The following SOCS7 variants were observed in gnomAD, a reference collection of about 807,000 sequenced individuals.
SOCS7 encodes the protein NAP-4.
Under a neutral mutation model 58.9 loss-of-function variants are expected in SOCS7, and 18 were observed. The observed-to-expected ratio is 0.31, with a 90% confidence interval of 0.21 to 0.45. SOCS7 has a LOEUF of 0.45. Among genes scored for constraint, SOCS7 ranks in the 20% least tolerant of loss-of-function variants. The pLI is 1.00. For synonymous variants in SOCS7, 388 were observed against 364.3 expected, an observed-to-expected ratio of 1.06 and a Z score of -0.74; for missense variants, 667 against 837.3, an observed-to-expected ratio of 0.80 and a Z score of 2.51.
intron 7 of SOCS7, among the ~76,000 whole-genome samples, chr17:38,392,181 C>A (rs1258301566): frequency 6.6e-6 from 1 of 152,140 alleles, no homozygotes; most frequent in African/African-American, 2.4e-5. Context: ...AGTAAATGGT[C>A]AGATTAATAC....
At chr17:38,374,823 A>C (rs1433520294) in intron 6 of SOCS7, among the ~76,000 whole-genome samples, 1 of 152,256 alleles carries the variant, frequency 6.6e-6, no homozygotes, top group Non-Finnish European at 1.5e-5. Flanking sequence ...CATTAATGTC[A>C]GGCAATCTGG....
At chr17:38,360,635 G>A (rs1555567440) in intron 1 of SOCS7, among the ~76,000 whole-genome samples, 1 of 152,092 alleles carries the variant, frequency 6.6e-6, no homozygotes, top group Non-Finnish European at 1.5e-5. Flanking sequence ...CGCCTCCTGG[G>A]TTCACGCCGT....
chr17:38,353,064 T>G (rs2144302724), intron 1 of SOCS7, 32 bp downstream of exon 1: 1 of 1,513,368 alleles, frequency 6.6e-7, no homozygotes, highest in Non-Finnish European at 8.8e-7. Context: ...CCGACAAACT[T>G]CCTTTTCTTG....
At chr17:38,387,611 G>GTA (rs370698234) in intron 7 of SOCS7, among the ~76,000 whole-genome samples, 1 of 78,942 alleles carries the variant, frequency 1.3e-5, no homozygotes, top group Non-Finnish European at 2.2e-5. Context: ...ACAATATATT[G>GTA]TATATTATAT....
chr17:38,388,728 T>C (rs2038113409), intron 7 of SOCS7, among the ~76,000 whole-genome samples: 1 of 152,220 alleles, frequency 6.6e-6, no homozygotes, highest in African/African-American at 2.4e-5. Context: ...GTTTGGTACA[T>C]TTCACATAAA....
chr17:38,353,943 C>T (rs967054958), intron 1 of SOCS7, among the ~76,000 whole-genome samples: 1 of 152,156 alleles, frequency 6.6e-6, no homozygotes, highest in African/African-American at 2.4e-5. Flanking sequence ...TAGCTTTGCG[C>T]TCTCTCAAAG....
At position 38,400,713 on chromosome 17, in the gene SOCS7, T is replaced by C. The variant is rs894340235; in HGVS notation, c.*1231T>C. 2.6e-5 allele frequency: 4 copies of C among 152,232 alleles called. No homozygotes were observed. Among genetic ancestry groups the C allele is most frequent in the African/African-American group, 9.6e-5 (4 of 41,470 alleles). The allele number at this position is 152,232 out of a possible 1,614,324, so 9.4% of individuals were successfully genotyped here. ...GCAACCCAGACATTTCCGGATCAGA[T>C]CCTGCTGGTCTCCACTCACTGGAAA... On this transcript the variant is annotated 3_prime_UTR_variant, in exon 10 of 10. Transcript: ENST00000612932.
At position 38,366,695 on chromosome 17, in the gene SOCS7, C is replaced by T. The variant is rs587653170; in HGVS notation, c.1383+278C>T. ...ATATTTTTTGTAGAGACTGGTCTTG[C>T]AGTTTCCCAGGCTGGTCTTGAACTC... On this transcript the variant is annotated intron_variant, in intron 5 of 9. Transcript: ENST00000612932. Among the ~76,000 whole-genome samples, 68 of 152,276 alleles carry T rather than the reference C, an allele frequency of 4.5e-4. 1 individual carries two copies. Among genetic ancestry groups the T allele is most frequent in the African/African-American group, 1.6e-3 (67 of 41,558 alleles).
rs983092069 is a variant in SOCS7 at position 38,377,945 on chromosome 17, C to T, written c.1681+103C>T. 5.2e-6 allele frequency: 6 copies of T among 1,155,392 alleles called. No homozygotes were observed. In the African/African-American group the frequency reaches 9.3e-5, roughly 18 times the overall value. 71.6% of individuals were successfully genotyped at this position (1,155,392 alleles called of 1,614,324 possible). On this transcript the variant is annotated intron_variant, in intron 7 of 9. Transcript: ENST00000612932. ...AAAAGGCCATGGTTAAGCTTTTTTT[C>T]CCTGGCTGTTGGAGCCACCACTCCT...
intron 7 of SOCS7, among the ~76,000 whole-genome samples, chr17:38,378,558 ACT>A (rs1236232660): frequency 6.6e-6 from 1 of 152,080 alleles, no homozygotes; most frequent in Admixed American, 6.6e-5. Context: ...TGCACATTGC[ACT>A]CTGTTAGGAA....
rs2038359370 is a variant in SOCS7 at position 38,404,158 on chromosome 17, G to A, written c.*4676G>A. 6.6e-6 allele frequency: 1 copy of A among 152,186 alleles called. No individual in the cohort carries two copies. The highest frequency in any genetic ancestry group is 1.5e-5 in the Non-Finnish European group (1 of 68,052). 9.4% of individuals were successfully genotyped at this position (152,186 alleles called of 1,614,324 possible). A position where few individuals can be genotyped will look rare whatever the true frequency, so the allele number is the denominator to read the frequency against. On this transcript the variant is annotated 3_prime_UTR_variant, in exon 10 of 10. Transcript: ENST00000612932. ...GATAAAATGGAGAGCAAAGTCTTGGGAGCAGTGAAATGGGGGTTGGATCAT... is the reference window on the plus strand; with the variant it reads ...GATAAAATGGAGAGCAAAGTCTTGGAAGCAGTGAAATGGGGGTTGGATCAT...
At chr17:38,357,191 C>T (rs1412159507) in intron 1 of SOCS7, among the ~76,000 whole-genome samples, 3 of 152,146 alleles carry the variant, frequency 2.0e-5, no homozygotes, top group Non-Finnish European at 2.9e-5. Context: ...GCCTGGCAGA[C>T]GTGAGAAACT....
At chr17:38,380,372 T>G (rs781154460) in intron 7 of SOCS7, among the ~76,000 whole-genome samples, 1 of 152,130 alleles carries the variant, frequency 6.6e-6, no homozygotes, top group African/African-American at 2.4e-5. Flanking sequence ...GGCTCACGCC[T>G]GTAATCCCAT....
At chr17:38,356,866 T>C (rs2037647329) in intron 1 of SOCS7, among the ~76,000 whole-genome samples, 1 of 152,238 alleles carries the variant, frequency 6.6e-6, no homozygotes, top group South Asian at 2.1e-4. Context: ...CATGTCTGTT[T>C]CTCATATGTT....
intron 6 of SOCS7, among the ~76,000 whole-genome samples, chr17:38,371,241 G>C (rs1321003674): frequency 6.6e-6 from 1 of 151,732 alleles, no homozygotes; most frequent in Non-Finnish European, 1.5e-5. Flanking sequence ...AGCCTCCTGA[G>C]TAGCTGGGAT....
intron 2 of SOCS7, 69 bp from the exon 3 acceptor site, chr17:38,364,673 GCCCTTTGCTT>G (rs2037764039): frequency 4.3e-6 from 5 of 1,174,922 alleles, no homozygotes; most frequent in Admixed American, 1.7e-5. Flanking sequence ...TCGCCTGCTT[GCCCTTTGCTT>G]CCCTTTGCTT....
rs1555571058 is a variant in SOCS7 at position 38,389,863 on chromosome 17, G to GTGTGTATATATATATATATATA, written c.1682-5443_1682-5442insGTATATATATATATATATATGT. Among the ~76,000 whole-genome samples the GTGTGTATATATATATATATATA allele has an allele frequency of 1.3e-4, 3 of 22,334 alleles. 1 individual carries two copies. The highest frequency in any genetic ancestry group is 4.8e-4 in the African/African-American group (3 of 6,272). The allele number at this position is 22,334 out of a possible 152,430, so 14.7% of individuals were successfully genotyped here. ...TAATTTTTTTGTTTGGTGTGTATGT[G>GTGTGTATATATATATATATATA]TGTACATATATATATATATGTACAT... is the stretch of plus-strand genomic sequence containing the variant. On this transcript the variant is annotated intron_variant, in intron 7 of 9. Coordinates refer to ENST00000612932, the MANE Select transcript of SOCS7 (RefSeq NM_014598.4).
At chr17:38,362,441 C>T (rs1400275451) in intron 2 of SOCS7, among the ~76,000 whole-genome samples, 3 of 152,184 alleles carry the variant, frequency 2.0e-5, no homozygotes, top group Non-Finnish European at 4.4e-5. Flanking sequence ...AGGTGAAGCT[C>T]CTGCATGAAT....
At chr17:38,392,949 A>T (rs2038190714) in intron 7 of SOCS7, among the ~76,000 whole-genome samples, 1 of 152,176 alleles carries the variant, frequency 6.6e-6, no homozygotes, top group Admixed American at 6.5e-5. Flanking sequence ...TATATGTGAA[A>T]TGGGGATGGT....
Sources: allele counts gnomAD v4.1 joint callset (sites outside exome capture counted in the v4.1 genomes callset), GRCh38; gene constraint gnomAD v4.1.1; transcripts MANE v1.5; gene names NCBI Gene and HGNC (gene_info 2026-07-23, HGNC 2026-07-21).